The following KLHL32 variants were observed in gnomAD, a reference collection of about 807,000 sequenced individuals.
KLHL32 encodes the protein kelch like family member 32.
Under a neutral mutation model 64.8 loss-of-function variants are expected in KLHL32, and 35 were observed. The observed-to-expected ratio is 0.54, with a 90% CI of 0.41 to 0.72. KLHL32 has a LOEUF of 0.72. Among genes scored for constraint, KLHL32 ranks in the 30% least tolerant of loss-of-function variants. The pLI is 0.00. For missense variants in KLHL32, 589 were observed against 768.5 expected (o/e 0.77, Z 2.76); for synonymous variants, 259 against 281.0 (o/e 0.92, Z 0.78).
chr6:97,019,315 C>G (rs1046523914), intron 3 of KLHL32, among the ~76,000 whole-genome samples: 1 of 152,118 alleles, frequency 6.6e-6, no homozygotes, highest in African/African-American at 2.4e-5. Context: ...GCCCTTGGAC[C>G]CAATAACTGC....
At chr6:97,077,889 A>G (rs143493827) in intron 5 of KLHL32, among the ~76,000 whole-genome samples, 44 of 152,360 alleles carry the variant, frequency 2.9e-4, no homozygotes, top group Non-Finnish European at 4.7e-4. Flanking sequence ...ACGATGCGAA[A>G]TCTACTTTTT....
intron 3 of KLHL32, among the ~76,000 whole-genome samples, chr6:96,991,550 C>T (rs1777878360): frequency 6.6e-6 from 1 of 151,894 alleles, no homozygotes; most frequent in African/African-American, 2.4e-5. Context: ...ATGTTCAGGC[C>T]AGGGCAGGGC....
the KLHL32 span, among the ~76,000 whole-genome samples, chr6:96,914,429 G>A: frequency 6.6e-6 from 1 of 151,934 alleles, no homozygotes; most frequent in Non-Finnish European, 1.5e-5. Flanking sequence ...TTCTGCCTCT[G>A]GTCCTTTGGT....
the KLHL32 span, among the ~76,000 whole-genome samples, chr6:96,911,615 C>T: frequency 6.6e-6 from 1 of 152,134 alleles, no homozygotes; most frequent in Non-Finnish European, 1.5e-5. Context: ...TCCCGCCTCC[C>T]ATTTACTCCT....
At chr6:96,948,431 G>T (rs1468525553) in intron 1 of KLHL32, among the ~76,000 whole-genome samples, 2 of 152,070 alleles carry the variant, frequency 1.3e-5, no homozygotes, top group Non-Finnish European at 2.9e-5. Context: ...CAAGACATCA[G>T]ATGATTCCTG....
chr6:97,032,078 A>G (rs569666802), intron 3 of KLHL32, among the ~76,000 whole-genome samples: 1 of 152,372 alleles, frequency 6.6e-6, no homozygotes, highest in African/African-American at 2.4e-5. Flanking sequence ...AGAAGGTAAC[A>G]AATTAGCCAA....
chr6:96,925,455 CTA>C (rs1246957480), intron 1 of KLHL32, among the ~76,000 whole-genome samples: 2 of 152,186 alleles, frequency 1.3e-5, no homozygotes, highest in African/African-American at 4.8e-5. Context: ...CGTAATTGCA[CTA>C]TATGGTATGC....
chr6:96,976,170 A>C lies in KLHL32; in HGVS notation c.197A>C (p.Tyr66Ser). The change falls in exon 3 of 11, where the codon TAT becomes TCT. Residue 66 changes from tyrosine to serine, a missense_variant. By Grantham distance (144) the Tyr-to-Ser change is moderately radical (BLOSUM62 -2). Around this residue, in one of 3 missense-constraint regions of KLHL32, gnomAD observed 191 missense variants for 223.3 expected, o/e 0.86. Transcript: ENST00000369261. ...HKAVLAACSD[Y>S]FRAMFSLCMV... ...GCAGTCCTAGCAGCATGCAGTGACT[A>C]TTTCCGGGTAAGTCAGCATTGTTTG... The C allele has an allele frequency of 6.4e-7, 1 of 1,556,398 alleles. No homozygotes were observed. The highest frequency in any genetic ancestry group is 8.7e-7 in the Non-Finnish European group (1 of 1,144,094).
intron 6 of KLHL32, among the ~76,000 whole-genome samples, chr6:97,110,190 T>C (rs566154141): frequency 6.6e-6 from 1 of 152,324 alleles, no homozygotes; most frequent in Non-Finnish European, 1.5e-5. Context: ...TTTTGCAATA[T>C]CTTTGATTAT....
intron 5 of KLHL32, among the ~76,000 whole-genome samples, chr6:97,080,747 C>T (rs1280512798): frequency 6.6e-6 from 1 of 152,158 alleles, no homozygotes; most frequent in Non-Finnish European, 1.5e-5. Flanking sequence ...ATGGAGCTTA[C>T]TGGGGGATCA....
intron 6 of KLHL32, among the ~76,000 whole-genome samples, chr6:97,094,110 A>G (rs1212594338): frequency 2.6e-5 from 4 of 152,232 alleles, no homozygotes; most frequent in Admixed American, 2.0e-4. Context: ...GGTGAAAGAT[A>G]TAAATTTCTT....
At chr6:96,931,484 A>G (rs1769884837) in intron 1 of KLHL32, among the ~76,000 whole-genome samples, 1 of 152,232 alleles carries the variant, frequency 6.6e-6, no homozygotes, top group African/African-American at 2.4e-5. Context: ...TCATCATACA[A>G]TGGATTATAA....
At chr6:96,931,127 A>G (rs1769827103) in intron 1 of KLHL32, among the ~76,000 whole-genome samples, 1 of 152,082 alleles carries the variant, frequency 6.6e-6, no homozygotes, top group South Asian at 2.1e-4. Flanking sequence ...CAAACAAACA[A>G]AAAACACTCC....
chr6:97,076,954 G>C (rs1168595942), intron 5 of KLHL32, among the ~76,000 whole-genome samples: 2 of 151,990 alleles, frequency 1.3e-5, no homozygotes, highest in Non-Finnish European at 2.9e-5. Context: ...AATAAAATTT[G>C]AAATTTTAAA....
chr6:97,068,711 A>G (rs1206351924), intron 5 of KLHL32, among the ~76,000 whole-genome samples: 1 of 152,216 alleles, frequency 6.6e-6, no homozygotes, highest in Admixed American at 6.5e-5. Context: ...AGGTTTTACA[A>G]ATAAGGTGAC....
In KLHL32 at chr6:96,978,095, G is replaced by A. The variant is rs1775910232; in HGVS notation, c.204+1918G>A. On this transcript the variant is annotated intron_variant, in intron 3 of 10. Coordinates refer to ENST00000369261, the MANE Select transcript of KLHL32 (RefSeq NM_052904.4). Reference sequence around the variant, plus strand: ...TGGACCGTAATATAGCCTTCTTGGTGTTAACTTCTCTCTACTTAGGTTTCA... The same window carrying A: ...TGGACCGTAATATAGCCTTCTTGGTATTAACTTCTCTCTACTTAGGTTTCA... Among the ~76,000 whole-genome samples the A allele has an allele frequency of 1.3e-5, 2 of 152,052 alleles. 1 individual carries two copies. Among genetic ancestry groups the A allele is most frequent in the Non-Finnish European group, 2.9e-5 (2 of 67,986 alleles).
chr6:96,971,946 G>A (rs1430087488), intron 2 of KLHL32, among the ~76,000 whole-genome samples: 3 of 152,122 alleles, frequency 2.0e-5, no homozygotes, highest in Non-Finnish European at 2.9e-5. Context: ...TCTGCTTCCC[G>A]GGTTCAAGTA....
At chr6:97,035,769 C>CAAAAA (rs1784204691) in intron 3 of KLHL32, among the ~76,000 whole-genome samples, 1 of 152,048 alleles carries the variant, frequency 6.6e-6, no homozygotes, top group Non-Finnish European at 1.5e-5. Flanking sequence ...AATTCTCTGT[C>CAAAAA]TTTAACTTTT....
chr6:97,073,000 A>T (rs944598977), intron 5 of KLHL32, among the ~76,000 whole-genome samples: 2 of 152,208 alleles, frequency 1.3e-5, no homozygotes, highest in African/African-American at 4.8e-5. Flanking sequence ...GGGATGTTGA[A>T]GGATTCAATG....
Sources: gnomAD v4.1 joint callset for allele counts (sites outside exome capture counted in the v4.1 genomes callset) on GRCh38, gnomAD v4.1.1 for gene constraint, gnomAD v4.1.1 regional missense constraint, MANE v1.5 for transcripts, NCBI Gene and HGNC (gene_info 2026-07-23, HGNC 2026-07-21) for gene names.